The following SVIL variants were observed in gnomAD, a reference collection of about 807,000 sequenced individuals.
SVIL encodes supervillin, also known as archvillin.
SVIL carries 101 observed loss-of-function variants against 240.4 expected under a neutral mutation model. That is an observed-to-expected ratio of 0.42 (90% confidence interval 0.36 to 0.50). The LOEUF (loss-of-function observed/expected upper bound fraction) is 0.50. Ranked by LOEUF, SVIL falls within the 20% of genes least tolerant of loss-of-function variation. The pLI, the probability that SVIL is intolerant of heterozygous loss-of-function variation, is 0.01. For synonymous variants in SVIL, 999 were observed against 1,100.0 expected (o/e 0.91, Z 1.82); for missense variants, 2,512 against 2,818.7 (o/e 0.89, Z 2.46).
chr10:29,576,145 T>G, intron 1 of SVIL: 1 of 984,876 alleles, frequency 1.0e-6, no homozygotes, highest in Admixed American at 6.1e-5. Flanking sequence ...ATGATGAAAG[T>G]GTATGCTGTG....
Position 29,458,100 on chromosome 10 carries a change from C to T in SVIL, c.*147G>A. On this transcript the variant is annotated 3_prime_UTR_variant, in exon 38 of 38. Transcript: ENST00000355867. Reference sequence around the variant, plus strand: ...ATTTACAAAATACACAACTCCGGGACAAGCAGTATCTTTAACAATGTCAGG... The same window carrying T: ...ATTTACAAAATACACAACTCCGGGATAAGCAGTATCTTTAACAATGTCAGG... 1.3e-6 allele frequency: 1 copy of T among 755,976 alleles called. No homozygotes were observed. The highest frequency in any genetic ancestry group is 2.1e-6 in the Non-Finnish European group (1 of 470,706). 46.8% of individuals were successfully genotyped at this position (755,976 alleles called of 1,614,324 possible).
intron 2 of SVIL, among the ~76,000 whole-genome samples, chr10:29,670,696 G>A (rs1457404925): frequency 6.6e-6 from 1 of 152,144 alleles, no homozygotes. Flanking sequence ...CTAGAAAGAG[G>A]CCAGAAACAA....
Position 29,481,605 on chromosome 10 carries a change from G to T in SVIL, c.5079C>A (p.Pro1693=). The T allele has an allele frequency of 6.2e-7, 1 of 1,614,104 alleles. No homozygotes were observed. The highest frequency in any genetic ancestry group is 8.5e-7 in the Non-Finnish European group (1 of 1,180,018). ...ATACCTTGTGCTGGGCAAGTTCCCC[G>T]GGGTTCTTCTCATTCGATCTCTTCA... The part of the protein sequence containing the change: ...TELKRSNEKN[P]GELAQHKEDP... Residue 1693 remains proline (P), a synonymous_variant, in exon 28 of 38, where the codon CCC becomes CCA. Coordinates refer to ENST00000355867, the MANE Select transcript of SVIL (RefSeq NM_021738.3).
intron 1 of SVIL, chr10:29,575,314 G>C (rs1955642154): frequency 4.7e-6 from 1 of 211,562 alleles, no homozygotes; most frequent in African/African-American, 2.3e-5. Context: ...CTAGGCCAAT[G>C]CTGAATTATT....
At position 29,691,312 on chromosome 10, in the gene SVIL, C is replaced by T. The variant is rs540659316; in HGVS notation, c.-399-4661G>A. ...CTGCAAGCTCCACCTCCCAGGTTCA[C>T]GCCATTCTCCAGCCTCAGCCTCCCG... On this transcript the variant is annotated intron_variant, in intron 1 of 35. Transcript: ENST00000375400. Among the ~76,000 whole-genome samples the T allele has an allele frequency of 3.0e-4, 45 of 151,594 alleles. No homozygotes were observed. The East Asian group carries it at 8.2e-3, about 28-fold the overall frequency.
chr10:29,546,779 G>A (rs1003859486), intron 6 of SVIL, among the ~76,000 whole-genome samples: 2 of 152,136 alleles, frequency 1.3e-5, no homozygotes, highest in African/African-American at 4.8e-5. Context: ...TAATAAGACA[G>A]CCTCTTGCTA....
chr10:29,691,686 T>A (rs1173953560), intron 1 of SVIL, among the ~76,000 whole-genome samples: 2 of 152,170 alleles, frequency 1.3e-5, no homozygotes, highest in African/African-American at 4.8e-5. Context: ...GAGTGTAAAT[T>A]TATGGCTCAG....
chr10:29,707,811 T>G (rs1450549446), intron 1 of SVIL, among the ~76,000 whole-genome samples: 1 of 152,198 alleles, frequency 6.6e-6, no homozygotes, highest in Non-Finnish European at 1.5e-5. Flanking sequence ...TCATTTATAC[T>G]CTTATGATTT....
intron 7 of SVIL, among the ~76,000 whole-genome samples, chr10:29,534,727 C>G (rs796908071): frequency 6.6e-4 from 100 of 152,314 alleles, no homozygotes; most frequent in African/African-American, 2.4e-3. Context: ...AACTCACCTG[C>G]CCTTAGTAAG....
Position 29,536,066 on chromosome 10 carries a change from T to C in SVIL, c.831A>G (p.Thr277=), listed in dbSNP as rs1384706003. The C allele has an allele frequency of 1.9e-6, 3 of 1,614,102 alleles. No individual in the cohort carries two copies. The change falls in exon 7 of 38, where the codon ACA becomes ACG. Residue 277 remains threonine (T), a synonymous_variant. Transcript: ENST00000355867. ...GAAACCACTCATGTTTGGGTTTCCC[T>C]GTACTATTGTGTACAAAAAACAAAA... The part of the protein sequence containing the change: ...PQLSPEARPS[T]GKPKHEWFLQ...
At chr10:29,496,558 G>C (rs115926357) in intron 18 of SVIL, 11,717 of 357,474 alleles carry the variant, frequency 0.033, 659 homozygotes, top group African/African-American at 0.13. Context: ...CGCTGCCATG[G>C]CTCCCCCTGC....
At chr10:29,707,185 G>A (rs1962947548) in intron 1 of SVIL, among the ~76,000 whole-genome samples, 1 of 152,200 alleles carries the variant, frequency 6.6e-6, no homozygotes, top group Non-Finnish European at 1.5e-5. Flanking sequence ...GAATGTCAGT[G>A]GTAGTTTGAT....
chr10:29,528,867 T>C (rs927546982), intron 12 of SVIL, among the ~76,000 whole-genome samples: 2 of 152,138 alleles, frequency 1.3e-5, no homozygotes, highest in African/African-American at 2.4e-5. Context: ...ACAAACTTCC[T>C]ATTGTTTGGA....
At position 29,503,002 on chromosome 10, in the gene SVIL, G is replaced by A. The variant is rs558750216; in HGVS notation, c.3517-3739C>T. On this transcript the variant is annotated intron_variant, in intron 17 of 37. Coordinates refer to ENST00000355867, the MANE Select transcript of SVIL (RefSeq NM_021738.3). ...TCTTCCACAACCAGAGAGCTTTATC[G>A]AAATAAAATATTGTGACCTGGCTTT... Among the ~76,000 whole-genome samples, 12 of 152,210 alleles carry A rather than the reference G, an allele frequency of 7.9e-5. No homozygotes were observed. The South Asian group carries it at 2.3e-3, about 29-fold the overall frequency.
chr10:29,734,465 T>C (rs1964785554), intron 1 of SVIL, among the ~76,000 whole-genome samples: 1 of 152,210 alleles, frequency 6.6e-6, no homozygotes, highest in South Asian at 2.1e-4. Flanking sequence ...CTTGGATCTG[T>C]TAACCTCTTT....
chr10:29,572,430 A>G (rs1204447302), intron 1 of SVIL, among the ~76,000 whole-genome samples: 1 of 152,092 alleles, frequency 6.6e-6, no homozygotes, highest in Non-Finnish European at 1.5e-5. Flanking sequence ...TTGGGAGGAG[A>G]AGAGGAAGGA....
At position 29,467,688 on chromosome 10, in the gene SVIL, TG is replaced by T. The variant is rs372772653; in HGVS notation, c.5977+53del. 4.4e-6 allele frequency: 7 copies of T among 1,608,952 alleles called. No homozygotes were observed. In the African/African-American group the frequency reaches 8.0e-5, roughly 18 times the overall value. On this transcript the variant is annotated intron_variant, in intron 33 of 37. Transcript: ENST00000355867. ...AGCCTGGATAACAGAGCAAGACTCT[TG>T]TTTCCAAAAACAAACAAAAAAACCA... is the stretch of plus-strand genomic sequence containing the variant.
chr10:29,609,308 G>C (rs891773198), intron 1 of SVIL, among the ~76,000 whole-genome samples: 1 of 152,162 alleles, frequency 6.6e-6, no homozygotes, highest in Non-Finnish European at 1.5e-5. Context: ...ACCCTTCTGG[G>C]GGCCCAGACC....
Position 29,538,988 on chromosome 10 carries a change from CTCTG to C in SVIL, c.828-2923_828-2920del, listed in dbSNP as rs1423053096. Reference sequence around the variant, plus strand: ...AGCCAGCCTGAGCAACATAGCAAGACTCTGTCTGTATTTAAAAAATTAAAAAGTT... The same window carrying C: ...AGCCAGCCTGAGCAACATAGCAAGACTCTGTATTTAAAAAATTAAAAAGTT... On this transcript the variant is annotated intron_variant, in intron 6 of 37. Transcript: ENST00000355867. Among the ~76,000 whole-genome samples the C allele has an allele frequency of 1.4e-3, 213 of 152,156 alleles. 1 individual carries two copies. Among genetic ancestry groups the C allele is most frequent in the Non-Finnish European group, 2.9e-5 (2 of 68,004 alleles).
Sources: gnomAD v4.1 joint callset for allele counts (sites outside exome capture counted in the v4.1 genomes callset) on GRCh38, gnomAD v4.1.1 for gene constraint, MANE v1.5 for transcripts, NCBI Gene and HGNC (gene_info 2026-07-23, HGNC 2026-07-21) for gene names.